TC2N: variants seen among roughly 807,000 people sequenced by gnomAD.
TC2N encodes tandem C2 domains, nuclear.
Under a neutral mutation model 61.9 loss-of-function variants are expected in TC2N, and 51 were observed. The ratio of observed to expected loss-of-function variants is 0.82; its 90% CI spans 0.66 to 1.04. The LOEUF (loss-of-function observed/expected upper bound fraction) is 1.04. TC2N is among the 50% of genes least tolerant of loss of function. The pLI, the probability that TC2N is intolerant of heterozygous loss-of-function variation, is 0.00. For missense variants in TC2N, 556 were observed against 566.7 expected, an observed-to-expected ratio of 0.98 and a Z score of 0.19; for synonymous variants, 204 against 192.6, an observed-to-expected ratio of 1.06 and a Z score of -0.49.
intron 1 of TC2N, among the ~76,000 whole-genome samples, chr14:91,829,487 T>C (rs1057319464): frequency 3.9e-5 from 6 of 152,112 alleles, no homozygotes; most frequent in Admixed American, 2.0e-4. Context: ...GAAAGATGAG[T>C]TTTATTACTG....
chr14:91,843,498 T>C (rs974673726), intron 1 of TC2N, among the ~76,000 whole-genome samples: 1 of 152,350 alleles, frequency 6.6e-6, no homozygotes. Context: ...TATTTTTTAA[T>C]AACAGAGATG....
intron 1 of TC2N, among the ~76,000 whole-genome samples, chr14:91,827,508 T>C (rs977359069): frequency 2.0e-5 from 3 of 152,190 alleles, no homozygotes; most frequent in Non-Finnish European, 4.4e-5. Context: ...CTACCATTGT[T>C]ACATCTTCTC....
At chr14:91,865,615 A>G (rs1391869690) in intron 1 of TC2N, among the ~76,000 whole-genome samples, 1 of 152,152 alleles carries the variant, frequency 6.6e-6, no homozygotes, top group Non-Finnish European at 1.5e-5. Context: ...GTAAACACAA[A>G]TTGTATCAAA....
Position 91,792,561 on chromosome 14 carries a change from TAA to T in TC2N, c.856-5_856-4del. ...AACGTTTCCATAAATTCAATAGCCT[TAA>T]AAAAAAAACAAGAAAACATAAAATA... On this transcript the variant is annotated splice_region_variant and splice_polypyrimidine_tract_variant and intron_variant, in intron 8 of 11. Transcript: ENST00000435962. The T allele has an allele frequency of 5.5e-6, 7 of 1,269,228 alleles. No homozygotes were observed. Among genetic ancestry groups the T allele is most frequent in the South Asian group, 1.6e-5 (1 of 61,270 alleles). The allele number at this position is 1,269,228 out of a possible 1,614,324, so 78.6% of individuals were successfully genotyped here. A position where few individuals can be genotyped will look rare whatever the true frequency, so the allele number is the denominator to read the frequency against.
chr14:91,862,859 T>C (rs1281611473), intron 1 of TC2N, among the ~76,000 whole-genome samples: 1 of 152,200 alleles, frequency 6.6e-6, no homozygotes, highest in African/African-American at 2.4e-5. Flanking sequence ...CCTAACAAGA[T>C]AACACATTCC....
At chr14:91,830,811 C>T (rs559259209) in intron 1 of TC2N, among the ~76,000 whole-genome samples, 1 of 152,314 alleles carries the variant, frequency 6.6e-6, no homozygotes, top group South Asian at 2.1e-4. Context: ...TTGGTGGTCA[C>T]AACTTCCCAA....
At chr14:91,790,391 A>G (rs111937754) in intron 9 of TC2N, among the ~76,000 whole-genome samples, 2,632 of 152,302 alleles carry the variant, frequency 0.017, 30 homozygotes, top group Non-Finnish European at 0.025. Flanking sequence ...TCTTCAACAC[A>G]TTAAAACAAA....
intron 1 of TC2N, among the ~76,000 whole-genome samples, chr14:91,859,690 G>A (rs962166382): frequency 1.3e-5 from 2 of 152,224 alleles, no homozygotes; most frequent in Non-Finnish European, 2.9e-5. Flanking sequence ...AGGGGTGGGG[G>A]CTTGGTGGGC....
intron 1 of TC2N, among the ~76,000 whole-genome samples, chr14:91,818,902 C>A (rs528251431): frequency 6.6e-6 from 1 of 152,048 alleles, no homozygotes; most frequent in Admixed American, 6.6e-5. Flanking sequence ...TTTCAAGTGA[C>A]CCAAAATACA....
At chr14:91,861,720 C>T (rs558743723) in intron 1 of TC2N, among the ~76,000 whole-genome samples, 7 of 151,724 alleles carry the variant, frequency 4.6e-5, no homozygotes, top group South Asian at 2.1e-4. Flanking sequence ...GTCAGGAGTT[C>T]GAGACCAGAC....
chr14:91,840,698 G>T (rs890568990), intron 1 of TC2N, among the ~76,000 whole-genome samples: 23 of 152,210 alleles, frequency 1.5e-4, no homozygotes, highest in African/African-American at 5.5e-4. Flanking sequence ...AAAAGGTCTT[G>T]AATAGCTTAC....
intron 5 of TC2N, among the ~76,000 whole-genome samples, chr14:91,799,668 A>G (rs189002076): frequency 6.6e-6 from 1 of 152,224 alleles, no homozygotes; most frequent in Non-Finnish European, 1.5e-5. Context: ...TTTCCATTTT[A>G]AAAAATATAT....
intron 1 of TC2N, chr14:91,866,165 C>T (rs1244659669): frequency 1.3e-5 from 2 of 152,020 alleles, no homozygotes; most frequent in African/African-American, 2.4e-5. Flanking sequence ...TGGGTGACCC[C>T]GTTGGCTCAG....
At chr14:91,802,519 C>G in intron 3 of TC2N, 98 bp from the exon 4 acceptor site, 1 of 1,028,034 alleles carries the variant, frequency 9.7e-7, no homozygotes, top group Non-Finnish European at 1.4e-6. Flanking sequence ...TATTTTGTCT[C>G]AAGTAATACT....
intron 1 of TC2N, among the ~76,000 whole-genome samples, chr14:91,818,682 G>T (rs1284950420): frequency 6.6e-6 from 1 of 152,042 alleles, no homozygotes; most frequent in Admixed American, 6.6e-5. Flanking sequence ...AGATATGGAC[G>T]ATATTAAAAA....
intron 1 of TC2N, among the ~76,000 whole-genome samples, chr14:91,847,837 C>T (rs182684344): frequency 2.4e-3 from 371 of 152,316 alleles, no homozygotes; most frequent in Non-Finnish European, 4.1e-3. Context: ...TGAGGAAATC[C>T]AAAGATAGAT....
intron 8 of TC2N, among the ~76,000 whole-genome samples, chr14:91,795,519 T>C (rs571592717): frequency 3.3e-5 from 5 of 152,214 alleles, no homozygotes; most frequent in African/African-American, 1.2e-4. Context: ...GGCAAAACCT[T>C]CCAACAGCAA....
rs1885024465 is a variant in TC2N, at chr14:91,780,173, T to C, written c.*2927A>G. The C allele has an allele frequency of 6.6e-6, 1 of 152,188 alleles. No homozygotes were observed. Among genetic ancestry groups the C allele is most frequent in the Non-Finnish European group, 1.5e-5 (1 of 68,012 alleles). The allele number at this position is 152,188 out of a possible 1,614,324, so 9.4% of individuals were successfully genotyped here. ...ACACCCAACCAAACACAGAAAGAAA[T>C]ATATATTTTTGAAATGTCAATTACT... On this transcript the variant is annotated 3_prime_UTR_variant, in exon 12 of 12. Transcript: ENST00000435962.
chr14:91,786,606 CAGAA>C (rs1885375849), intron 10 of TC2N, among the ~76,000 whole-genome samples: 1 of 152,124 alleles, frequency 6.6e-6, no homozygotes, highest in East Asian at 1.9e-4. Context: ...CTGAATTTCT[CAGAA>C]AGTCATTTAT....
Sources: gnomAD v4.1 joint callset for allele counts (sites outside exome capture counted in the v4.1 genomes callset) on GRCh38, gnomAD v4.1.1 for gene constraint, MANE v1.5 for transcripts, NCBI Gene and HGNC (gene_info 2026-07-23, HGNC 2026-07-21) for gene names.